GLIS3: variants seen among roughly 807,000 people sequenced by gnomAD.
GLIS3 encodes the protein GLIS family zinc finger 3.
In GLIS3, 53 loss-of-function variants were observed where a neutral mutation model predicts 78.6. The ratio of observed to expected loss-of-function variants is 0.67; its 90% CI spans 0.54 to 0.85. The LOEUF (loss-of-function observed/expected upper bound fraction) is 0.85. GLIS3 is among the 40% of genes least tolerant of loss of function. GLIS3 has a pLI of 0.00. For synonymous variants in GLIS3, 684 were observed against 509.9 expected (o/e 1.34, Z -4.60); for missense variants, 1,703 against 1,231.1 (o/e 1.38, Z -5.74).
At chr9:4,046,305 C>G (rs1035487748) in intron 4 of GLIS3, among the ~76,000 whole-genome samples, 5 of 152,136 alleles carry the variant, frequency 3.3e-5, no homozygotes, top group African/African-American at 1.2e-4. Context: ...TAAAGGCAAC[C>G]CTACCAAATC....
chr9:4,451,808 A>G, the GLIS3 span, among the ~76,000 whole-genome samples: 1 of 152,118 alleles, frequency 6.6e-6, no homozygotes, highest in African/African-American at 2.4e-5. Flanking sequence ...ATGAGAACAA[A>G]GACATTATGT....
chr9:4,052,230 T>C (rs1458673275), intron 4 of GLIS3, among the ~76,000 whole-genome samples: 1 of 152,164 alleles, frequency 6.6e-6, no homozygotes, highest in Non-Finnish European at 1.5e-5. Context: ...CTAAGACAGA[T>C]AGGTACATTT....
At chr9:4,006,089 C>A (rs936395480) in intron 4 of GLIS3, among the ~76,000 whole-genome samples, 1 of 152,090 alleles carries the variant, frequency 6.6e-6, no homozygotes, top group African/African-American at 2.4e-5. Flanking sequence ...CGCAAACCAC[C>A]TTCCTCTCTC....
At chr9:3,873,964 C>T (rs549854157) in intron 8 of GLIS3, among the ~76,000 whole-genome samples, 1 of 152,362 alleles carries the variant, frequency 6.6e-6, no homozygotes, top group South Asian at 2.1e-4. Flanking sequence ...CCACACATCC[C>T]TTCTTTCTGT....
the GLIS3 span, among the ~76,000 whole-genome samples, chr9:4,459,782 C>A: frequency 6.6e-6 from 1 of 151,982 alleles, no homozygotes; most frequent in Non-Finnish European, 1.5e-5. Flanking sequence ...GCACTCTAGA[C>A]TGGGCAACAG....
chr9:3,907,950 T>C (rs989876177), intron 6 of GLIS3, among the ~76,000 whole-genome samples: 1 of 152,208 alleles, frequency 6.6e-6, no homozygotes, highest in South Asian at 2.1e-4. Flanking sequence ...TCTGATGAGA[T>C]TCATTCATTT....
At position 4,165,322 on chromosome 9, in the gene GLIS3, T is replaced by A. The variant is rs185005062; in HGVS notation, c.389-39381A>T. Among the ~76,000 whole-genome samples, 19 of 152,156 alleles carry A rather than the reference T, an allele frequency of 1.2e-4. No individual in the cohort carries two copies. In the East Asian group the frequency reaches 3.3e-3, roughly 26 times the overall value. On this transcript the variant is annotated intron_variant, in intron 2 of 10. Transcript: ENST00000381971. ...CGGGCGTGGTGGCACATGCCTGTAA[T>A]CCCAGTTACTCGGGAGGCTGAGGCA...
chr9:4,059,370 T>C (rs1826430328), intron 4 of GLIS3, among the ~76,000 whole-genome samples: 1 of 152,236 alleles, frequency 6.6e-6, no homozygotes, highest in African/African-American at 2.4e-5. Flanking sequence ...ATCTCTGCAC[T>C]GCTGCTCTGC....
chr9:4,440,037 G>C, the GLIS3 span, among the ~76,000 whole-genome samples: 1 of 152,140 alleles, frequency 6.6e-6, no homozygotes, highest in Non-Finnish European at 1.5e-5. Context: ...TTTTGTAATA[G>C]GTTTGTTTTC....
At chr9:4,181,815 T>G (rs1455402163) in intron 2 of GLIS3, among the ~76,000 whole-genome samples, 1 of 152,210 alleles carries the variant, frequency 6.6e-6, no homozygotes, top group Non-Finnish European at 1.5e-5. Context: ...TCCTTGAGAC[T>G]GAGGGGTCAC....
Position 4,110,512 on chromosome 9 carries a change from C to T in GLIS3, c.1710+7256G>A, listed in dbSNP as rs559370927. 3.3e-5 allele frequency among the ~76,000 whole-genome samples: 5 copies of T among 152,208 alleles called. No individual in the cohort carries two copies. The South Asian group carries it at 6.2e-4, about 19-fold the overall frequency. On this transcript the variant is annotated intron_variant, in intron 4 of 10. Transcript: ENST00000381971. ...CAAGAAAAGGAAAATAAATACTGTG[C>T]CGTGAAATAAAAACACACAGGTTTC...
intron 8 of GLIS3, among the ~76,000 whole-genome samples, chr9:3,858,202 T>G (rs1661605157): frequency 6.6e-6 from 1 of 152,182 alleles, no homozygotes; most frequent in Non-Finnish European, 1.5e-5. Context: ...AGTCCCTTCT[T>G]CTGGAATATC....
intron 6 of GLIS3, among the ~76,000 whole-genome samples, chr9:3,924,642 G>A (rs1363987834): frequency 6.6e-6 from 1 of 152,184 alleles, no homozygotes; most frequent in African/African-American, 2.4e-5. Flanking sequence ...GGATATCAAT[G>A]ACATAGCTCA....
chr9:4,444,003 G>A, the GLIS3 span, among the ~76,000 whole-genome samples: 1 of 152,276 alleles, frequency 6.6e-6, no homozygotes, highest in African/African-American at 2.4e-5. Flanking sequence ...AGTTAAAGCT[G>A]TGTAATGTGT....
the GLIS3 span, among the ~76,000 whole-genome samples, chr9:4,416,771 G>C: frequency 6.7e-6 from 1 of 148,768 alleles, no homozygotes; most frequent in African/African-American, 2.5e-5. Context: ...TGCATATCTA[G>C]AGTCTCTCAA....
chr9:4,389,646 C>A, the GLIS3 span, among the ~76,000 whole-genome samples: 1 of 152,184 alleles, frequency 6.6e-6, no homozygotes, highest in African/African-American at 2.4e-5. Context: ...ATGCTAACTT[C>A]TGCCCAAGAC....
intron 7 of GLIS3, among the ~76,000 whole-genome samples, chr9:3,892,877 T>C (rs1742472343): frequency 6.6e-6 from 1 of 152,190 alleles, no homozygotes; most frequent in South Asian, 2.1e-4. Context: ...TAAGACCTGC[T>C]TCAGGTACAC....
chr9:4,272,211 T>G (rs1215014727), intron 2 of GLIS3, among the ~76,000 whole-genome samples: 2 of 152,194 alleles, frequency 1.3e-5, no homozygotes, highest in South Asian at 4.1e-4. Context: ...TTAACTCACA[T>G]AGACACAAAC....
intron 4 of GLIS3, among the ~76,000 whole-genome samples, chr9:3,953,445 G>A (rs1381534492): frequency 6.6e-6 from 1 of 152,116 alleles, no homozygotes; most frequent in South Asian, 2.1e-4. Flanking sequence ...TGGGCTGATG[G>A]ATATTGATAT....
Sources: gnomAD v4.1 joint callset for allele counts (sites outside exome capture counted in the v4.1 genomes callset) on GRCh38, gnomAD v4.1.1 for gene constraint, MANE v1.5 for transcripts, NCBI Gene and HGNC (gene_info 2026-07-23, HGNC 2026-07-21) for gene names.